Variants in HPCAL1 observed in about 807,000 individuals in gnomAD.
The protein encoded by HPCAL1 is hippocalcin like 1, also known as hippocalcin-like protein 1.
In HPCAL1, 8 loss-of-function variants were observed where a neutral mutation model predicts 17.1. That is an observed-to-expected ratio of 0.47 (90% CI 0.27 to 0.84). The LOEUF is 0.84. HPCAL1 is among the 40% of genes least tolerant of loss of function. The probability of loss-of-function intolerance (pLI) is 0.13; values close to 1 mark genes in which losing one functional copy is unlikely to be tolerated. For missense variants in HPCAL1, 165 were observed against 271.1 expected (o/e 0.61, Z 2.75); for synonymous variants, 112 against 111.4 (o/e 1.01, Z -0.03).
chr2:10,416,567 G>A (rs934784031), intron 2 of HPCAL1, among the ~76,000 whole-genome samples: 1 of 152,218 alleles, frequency 6.6e-6, no homozygotes, highest in African/African-American at 2.4e-5. Context: ...TTTGGGGCCA[G>A]GAGTTCGAGC....
intron 1 of HPCAL1, among the ~76,000 whole-genome samples, chr2:10,368,228 CAT>C (rs1195726722): frequency 1.2e-4 from 18 of 145,524 alleles, no homozygotes; most frequent in Admixed American, 2.8e-4. Flanking sequence ...CGTGTGTACA[CAT>C]ATGCATGTGT....
intron 2 of HPCAL1, among the ~76,000 whole-genome samples, chr2:10,405,918 G>T (rs1228915973): frequency 6.6e-6 from 1 of 152,174 alleles, no homozygotes; most frequent in African/African-American, 2.4e-5. Context: ...CCCGCAAATG[G>T]GACGTTGGGT....
intron 3 of HPCAL1, 65 bp downstream of exon 3, chr2:10,420,200 A>G: frequency 6.8e-6 from 5 of 735,910 alleles, no homozygotes; most frequent in South Asian, 2.0e-5. Context: ...CCCAGCCCCC[A>G]GCCCAGGGCT....
intron 4 of HPCAL1, 171 bp downstream of exon 4, chr2:10,423,259 C>T (rs1432618486): frequency 1.6e-6 from 1 of 632,280 alleles, no homozygotes; most frequent in Non-Finnish European, 2.9e-6. Context: ...CAGTCAGGGA[C>T]ACCCGTGCTG....
At chr2:10,336,159 G>A (rs889829278) in intron 1 of HPCAL1, among the ~76,000 whole-genome samples, 36 of 132,990 alleles carry the variant, frequency 2.7e-4, no homozygotes, top group African/African-American at 1.0e-3. Flanking sequence ...TTGCATGTTC[G>A]TATCCTCTGC....
intron 1 of HPCAL1, among the ~76,000 whole-genome samples, chr2:10,334,695 C>CTTTATTTTTTTTTT (rs1664604796): frequency 6.8e-6 from 1 of 146,330 alleles, no homozygotes; most frequent in Non-Finnish European, 1.5e-5. Flanking sequence ...ATTCCATTGA[C>CTTTATTTTTTTTTT]TTTTTTTTGA....
At chr2:10,360,705 C>T (rs1360877385) in intron 1 of HPCAL1, among the ~76,000 whole-genome samples, 1 of 152,134 alleles carries the variant, frequency 6.6e-6, no homozygotes, top group African/African-American at 2.4e-5. Context: ...TGCCGCCCGG[C>T]CTTACCTGAA....
At chr2:10,399,541 CCAT>C (rs1391090095) in intron 2 of HPCAL1, among the ~76,000 whole-genome samples, 4 of 120,928 alleles carry the variant, frequency 3.3e-5, no homozygotes, top group African/African-American at 8.5e-5. Context: ...GCCACCGCCA[CCAT>C]CACCGCCACC....
chr2:10,381,273 T>C (rs1235558111), intron 1 of HPCAL1, among the ~76,000 whole-genome samples: 1 of 152,236 alleles, frequency 6.6e-6, no homozygotes, highest in East Asian at 1.9e-4. Context: ...GATGTTACGT[T>C]GTGCTTTGAA....
chr2:10,308,799 G>A (rs189839321), intron 1 of HPCAL1, among the ~76,000 whole-genome samples: 13 of 152,314 alleles, frequency 8.5e-5, no homozygotes, highest in Admixed American at 8.5e-4. Context: ...ATGTATTGAT[G>A]TGTCAGGTGA....
chr2:10,340,875 T>G (rs73161279), intron 1 of HPCAL1, among the ~76,000 whole-genome samples: 20,894 of 152,226 alleles, frequency 0.14, 1,571 homozygotes, highest in South Asian at 0.23. Context: ...AGCACTCTTA[T>G]AATCATGCTT....
intron 1 of HPCAL1, among the ~76,000 whole-genome samples, chr2:10,329,408 G>A (rs1664213703): frequency 6.6e-6 from 1 of 152,102 alleles, no homozygotes; most frequent in Admixed American, 6.5e-5. Context: ...CAGCTGCAGT[G>A]AGCCCGAGGG....
intron 1 of HPCAL1, among the ~76,000 whole-genome samples, chr2:10,391,203 G>A (rs991479644): frequency 1.3e-5 from 2 of 151,684 alleles, no homozygotes; most frequent in East Asian, 4.1e-4. Context: ...CTTCCTGGGG[G>A]CCCAGTCCTG....
At chr2:10,340,690 A>G (rs1047251059) in intron 1 of HPCAL1, among the ~76,000 whole-genome samples, 4 of 152,176 alleles carry the variant, frequency 2.6e-5, no homozygotes, top group African/African-American at 9.7e-5. Flanking sequence ...CACTTCAGAC[A>G]TCAGGGCTTC....
intron 1 of HPCAL1, among the ~76,000 whole-genome samples, chr2:10,391,090 G>A (rs1668662387): frequency 2.0e-5 from 3 of 152,214 alleles, no homozygotes; most frequent in Admixed American, 2.0e-4. Context: ...TCAAAGGTGG[G>A]GACGCTGTCC....
chr2:10,419,833 G>A lies in HPCAL1; in HGVS notation c.76G>A (p.Glu26Lys). ...LRENTEFTDH[E>K]LQEWYKGFLK... Reference sequence around the variant, plus strand: ...GGAGAACACGGAGTTCACCGACCACGAGCTGCAGGAGTGGTACAAGGGCTT... The same window carrying A: ...GGAGAACACGGAGTTCACCGACCACAAGCTGCAGGAGTGGTACAAGGGCTT... The change falls in exon 3 of 5, where the codon GAG (glutamate) becomes AAG (lysine). Residue 26 changes from glutamate (E) to lysine (K), a missense_variant. Physicochemically the swap from Glu to Lys is moderately conservative, Grantham distance 56. Coordinates refer to ENST00000307845, the MANE Select transcript of HPCAL1 (RefSeq NM_002149.4). The surrounding 1 kb of genome is among the most constrained non-coding windows in gnomAD (Gnocchi z 5.0). 1 of 1,613,722 alleles carries A rather than the reference G, an allele frequency of 6.2e-7. No homozygotes were observed.
At chr2:10,334,893 G>C (rs1271650591) in intron 1 of HPCAL1, among the ~76,000 whole-genome samples, 5 of 152,168 alleles carry the variant, frequency 3.3e-5, no homozygotes, top group African/African-American at 1.2e-4. Flanking sequence ...GCCCAGCCTG[G>C]TCTTGAACTC....
chr2:10,401,198 G>T (rs992674291), intron 2 of HPCAL1, among the ~76,000 whole-genome samples: 1 of 152,134 alleles, frequency 6.6e-6, no homozygotes, highest in Non-Finnish European at 1.5e-5. Context: ...GGCCTCTCTA[G>T]GTGGAGTCCA....
At chr2:10,345,651 C>G (rs756955025) in intron 1 of HPCAL1, among the ~76,000 whole-genome samples, 1 of 151,924 alleles carries the variant, frequency 6.6e-6, no homozygotes, top group Non-Finnish European at 1.5e-5. Context: ...GAGACAGGGT[C>G]TTGCTATGCT....
Sources: gnomAD v4.1 joint callset for allele counts (sites outside exome capture counted in the v4.1 genomes callset) on GRCh38, gnomAD v4.1.1 for gene constraint, Gnocchi (gnomAD v3.1) non-coding constraint, MANE v1.5 for transcripts, NCBI Gene and HGNC (gene_info 2026-07-23, HGNC 2026-07-21) for gene names.